ADGRG7: variants seen among roughly 807,000 people sequenced by gnomAD.
ADGRG7 encodes the protein adhesion G protein-coupled receptor G7.
A neutral mutation model predicts 88.6 loss-of-function variants in ADGRG7; 82 were observed. The observed-to-expected ratio is 0.93, with a 90% confidence interval of 0.77 to 1.11. The LOEUF is 1.11. ADGRG7 is among the 50% of genes most tolerant of loss of function. ADGRG7 has a pLI of 0.00. For missense variants in ADGRG7, 945 were observed against 953.4 expected, an observed-to-expected ratio of 0.99 and a Z score of 0.12; for synonymous variants, 381 against 345.2, an observed-to-expected ratio of 1.10 and a Z score of -1.15.
At chr3:100,643,197 A>G in intron 6 of ADGRG7, 69 bp from the exon 7 acceptor site, 1 of 1,392,354 alleles carries the variant, frequency 7.2e-7, no homozygotes, top group Non-Finnish European at 1.0e-6. Context: ...GCTGTAGTGT[A>G]AGACAGAACA....
In ADGRG7 at chr3:100,647,536, G is replaced by A. The variant is rs569974131; in HGVS notation, c.1266+812G>A. Among the ~76,000 whole-genome samples, 18 of 152,202 alleles carry A rather than the reference G, an allele frequency of 1.2e-4. No homozygotes were observed. In the South Asian group the frequency reaches 2.5e-3, roughly 21 times the overall value. ...CTTCAATTTGTCCCCTAGTTTCTCC[G>A]TGTATTCCTTAATTCTTTTACCTCT... On this transcript the variant is annotated intron_variant, in intron 10 of 15. Transcript: ENST00000273352.
At chr3:100,648,867 A>G (rs1472620670) in intron 10 of ADGRG7, among the ~76,000 whole-genome samples, 2 of 152,134 alleles carry the variant, frequency 1.3e-5, no homozygotes, top group African/African-American at 2.4e-5. Flanking sequence ...CACCACCACT[A>G]CCTCACCAGA....
chr3:100,626,934 T>C (rs918653489), intron 1 of ADGRG7, among the ~76,000 whole-genome samples: 3 of 152,240 alleles, frequency 2.0e-5, no homozygotes, highest in Admixed American at 1.3e-4. Context: ...TGTGAAAATG[T>C]CTTTATTTTA....
intron 12 of ADGRG7, among the ~76,000 whole-genome samples, chr3:100,655,387 A>G (rs930155169): frequency 1.3e-5 from 2 of 152,216 alleles, no homozygotes; most frequent in Admixed American, 1.3e-4. Context: ...TACGAGATAC[A>G]TCGTAAACTA....
intron 6 of ADGRG7, among the ~76,000 whole-genome samples, chr3:100,640,145 T>C (rs1456911963): frequency 3.3e-5 from 5 of 152,214 alleles, no homozygotes; most frequent in African/African-American, 9.7e-5. Flanking sequence ...GAGAATACTC[T>C]TGATGAGCTT....
intron 14 of ADGRG7, among the ~76,000 whole-genome samples, chr3:100,664,376 AC>A (rs894815720): frequency 1.3e-5 from 2 of 152,140 alleles, no homozygotes; most frequent in African/African-American, 4.8e-5. Context: ...GATTATTACA[AC>A]CCACCAATTT....
intron 14 of ADGRG7, among the ~76,000 whole-genome samples, chr3:100,660,867 G>A (rs1057161876): frequency 1.3e-4 from 20 of 151,358 alleles, no homozygotes; most frequent in African/African-American, 3.4e-4. Flanking sequence ...CAGGAGAATC[G>A]CTTGAACCCA....
In ADGRG7 at chr3:100,629,623, C is replaced by G. The variant is rs776341133; in HGVS notation, c.141C>G (p.Thr47=). Residue 47 remains threonine (T), a synonymous_variant, in exon 2 of 16, where the codon ACC becomes ACG. Coordinates refer to ENST00000273352, the MANE Select transcript of ADGRG7 (RefSeq NM_032787.3). ...QRGKSTSSSS[T]PTEFCRNGGT... is the part of the protein sequence containing the mutation. ...GAAAATCTACTTCCTCATCAAGCAC[C>G]CCTACAGAGTTCTGCAGGAATGGTG... 4 of 1,612,482 alleles carry G rather than the reference C, an allele frequency of 2.5e-6. No homozygotes were observed. The highest frequency in any genetic ancestry group is 3.4e-6 in the Non-Finnish European group (4 of 1,178,762).
intron 15 of ADGRG7, among the ~76,000 whole-genome samples, chr3:100,673,915 A>T (rs1296488071): frequency 1.3e-5 from 2 of 151,900 alleles, no homozygotes; most frequent in Non-Finnish European, 2.9e-5. Context: ...TAGCTTTTGA[A>T]TTTGTTTGCT....
Position 100,630,757 on chromosome 3 carries a change from A to G in ADGRG7, c.282A>G (p.Pro94=). The change falls in exon 3 of 16, where the codon CCA becomes CCG. Residue 94 remains proline, a synonymous_variant. Transcript: ENST00000273352. The stretch of plus-strand genomic sequence containing the variant: ...TGGGTTTTACTTTTGCCAGAATCCC[A>G]GTGGGCAGATATGGACCATCCTTGC... ...TYMGFTFARI[P]VGRYGPSLQT... 2 of 1,486,378 alleles carry G rather than the reference A, an allele frequency of 1.3e-6. No homozygotes were observed. Among genetic ancestry groups the G allele is most frequent in the Non-Finnish European group, 8.9e-7 (1 of 1,119,460 alleles). 92.1% of individuals were successfully genotyped at this position (1,486,378 alleles called of 1,614,324 possible). A position where few individuals can be genotyped will look rare whatever the true frequency, so the allele number is the denominator to read the frequency against.
At chr3:100,623,611 G>A (rs975104481) in intron 1 of ADGRG7, among the ~76,000 whole-genome samples, 1 of 152,082 alleles carries the variant, frequency 6.6e-6, no homozygotes, top group Non-Finnish European at 1.5e-5. Flanking sequence ...GTATACGTGT[G>A]CGCTGGTGGT....
chr3:100,670,396 T>C lies in ADGRG7; in HGVS notation c.2136+1291T>C, dbSNP rs527724154. 5.3e-5 allele frequency among the ~76,000 whole-genome samples: 8 copies of C among 152,336 alleles called. No individual in the cohort carries two copies. The South Asian group carries it at 1.5e-3, about 28-fold the overall frequency. On this transcript the variant is annotated intron_variant, in intron 15 of 15. Transcript: ENST00000273352. ...ATTGTGTATATGTACTGCATTATCT[T>C]TATCCATTCGTCTGTTGATGGATAC...
chr3:100,680,590 T>G (rs777481932), intron 15 of ADGRG7, among the ~76,000 whole-genome samples: 17 of 152,176 alleles, frequency 1.1e-4, no homozygotes, highest in Non-Finnish European at 2.1e-4. Context: ...AATTTTAATT[T>G]ATACTTCAAT....
intron 15 of ADGRG7, among the ~76,000 whole-genome samples, chr3:100,684,959 G>A (rs979188183): frequency 2.6e-5 from 4 of 151,744 alleles, no homozygotes; most frequent in Admixed American, 6.6e-5. Flanking sequence ...AAGTTATACT[G>A]TCTACATTAT....
At chr3:100,684,611 G>A (rs2094979100) in intron 15 of ADGRG7, among the ~76,000 whole-genome samples, 1 of 152,016 alleles carries the variant, frequency 6.6e-6, no homozygotes, top group African/African-American at 2.4e-5. Flanking sequence ...TGGCTATTTA[G>A]TTAAATAGTA....
In ADGRG7 at chr3:100,637,356, G is replaced by A. The variant is rs763401909; in HGVS notation, c.652G>A (p.Ala218Thr). The change falls in exon 6 of 16, where the codon GCT (alanine) becomes ACT (threonine). Residue 218 changes from alanine (A) to threonine (T), a missense_variant. Ala to Thr is a moderately conservative substitution (Grantham distance 58). Coordinates refer to ENST00000273352, the MANE Select transcript of ADGRG7 (RefSeq NM_032787.3). Reference protein sequence around the residue: ...VSQLLDASEDAFQRVAATAND... With the variant: ...VSQLLDASEDTFQRVAATAND... ...TCAACTCCTAGATGCCAGTGAAGAT[G>A]CTTTTCAAAGAGTTGCTGCTACTGC... 1.2e-5 allele frequency: 20 copies of A among 1,613,826 alleles called. No homozygotes were observed. The highest frequency in any genetic ancestry group is 1.6e-4 in the Middle Eastern group (1 of 6,082).
At chr3:100,619,647 TG>T (rs1707279383) in intron 1 of ADGRG7, among the ~76,000 whole-genome samples, 1 of 151,468 alleles carries the variant, frequency 6.6e-6, no homozygotes, top group Admixed American at 6.6e-5. Context: ...TCAACAAAAT[TG>T]AAAGACAGCT....
intron 6 of ADGRG7, among the ~76,000 whole-genome samples, chr3:100,637,908 C>T (rs140065144): frequency 6.6e-6 from 1 of 152,154 alleles, no homozygotes; most frequent in Non-Finnish European, 1.5e-5. Context: ...CTCAGCCCAC[C>T]CCACTCAACC....
chr3:100,635,961 A>G (rs1707533660), intron 5 of ADGRG7, 135 bp downstream of exon 5: 1 of 623,028 alleles, frequency 1.6e-6, no homozygotes, highest in South Asian at 2.6e-5. Context: ...GCTTAAAGGC[A>G]TTTTGCATAG....
Sources: gnomAD v4.1 joint callset for allele counts (sites outside exome capture counted in the v4.1 genomes callset) on GRCh38, gnomAD v4.1.1 for gene constraint, MANE v1.5 for transcripts, NCBI Gene and HGNC (gene_info 2026-07-23, HGNC 2026-07-21) for gene names.